The following AXDND1 variants were observed in gnomAD, a reference collection of about 807,000 sequenced individuals.
AXDND1 encodes axonemal dynein light chain domain containing 1.
In AXDND1, 110 loss-of-function variants were observed where a neutral mutation model predicts 137.5. That is an observed-to-expected ratio of 0.80 (90% CI 0.69 to 0.94). The LOEUF is 0.94. Among genes scored for constraint, AXDND1 ranks in the 40% least tolerant of loss-of-function variants. AXDND1 has a pLI of 0.00. For synonymous variants in AXDND1, 414 were observed against 399.7 expected (o/e 1.04, Z -0.43); for missense variants, 1,191 against 1,169.8 (o/e 1.02, Z -0.26).
At chr1:179,393,283 C>CT (rs1424722889) in intron 9 of AXDND1, among the ~76,000 whole-genome samples, 2 of 152,026 alleles carry the variant, frequency 1.3e-5, no homozygotes, top group East Asian at 3.9e-4. Context: ...CTGTAAGTAT[C>CT]TGAGTTTATT....
chr1:179,470,544 T>A, intron 17 of AXDND1, among the ~76,000 whole-genome samples: 1 of 152,298 alleles, frequency 6.6e-6, no homozygotes, highest in South Asian at 2.1e-4. Flanking sequence ...TTTTAAATGT[T>A]ATTGCAAATA....
intron 4 of AXDND1, among the ~76,000 whole-genome samples, chr1:179,373,591 A>G (rs1668263437): frequency 2.0e-5 from 3 of 152,214 alleles, no homozygotes; most frequent in South Asian, 2.1e-4. Context: ...ACAAGGCTAC[A>G]GTAACCAAAA....
intron 11 of AXDND1, among the ~76,000 whole-genome samples, chr1:179,409,442 T>C (rs578038291): frequency 3.4e-4 from 52 of 152,338 alleles, no homozygotes; most frequent in African/African-American, 1.2e-3. Flanking sequence ...TTGGATGCCC[T>C]TTATTTCTTT....
At chr1:179,479,475 C>CAAAAAA (rs55719902) in intron 17 of AXDND1, among the ~76,000 whole-genome samples, 11 of 133,618 alleles carry the variant, frequency 8.2e-5, no homozygotes, top group African/African-American at 3.2e-4. Flanking sequence ...AACTCTGTCT[C>CAAAAAA]AAAAAAAAAA....
At chr1:179,429,659 C>A in intron 13 of AXDND1, 40 bp downstream of exon 13, 3 of 1,279,432 alleles carry the variant, frequency 2.3e-6, no homozygotes, top group Non-Finnish European at 3.2e-6. Flanking sequence ...AAAAAAGATG[C>A]CAAGTGGTGA....
intron 25 of AXDND1, among the ~76,000 whole-genome samples, chr1:179,539,999 G>A (rs1250896713): frequency 2.0e-5 from 3 of 151,700 alleles, no homozygotes; most frequent in Admixed American, 6.6e-5. Flanking sequence ...TGAAGATTGT[G>A]TATGCGTCAC....
At chr1:179,483,041 C>G in intron 17 of AXDND1, 87 bp from the exon 18 acceptor site, 1 of 855,896 alleles carries the variant, frequency 1.2e-6, no homozygotes, top group Non-Finnish European at 1.8e-6. Flanking sequence ...CAATACCCAG[C>G]CAAATAAAAC....
intron 2 of AXDND1, 23 bp downstream of exon 2, chr1:179,366,629 T>A: frequency 6.4e-7 from 1 of 1,557,518 alleles, no homozygotes; most frequent in Non-Finnish European, 8.9e-7. Context: ...GATTCTGAAG[T>A]CATAAACAGT....
chr1:179,425,123 G>T (rs1246753305), intron 12 of AXDND1, among the ~76,000 whole-genome samples: 1 of 152,154 alleles, frequency 6.6e-6, no homozygotes, highest in Non-Finnish European at 1.5e-5. Context: ...TTGCATTGAA[G>T]GTTTAGTTAT....
rs185134699 is a variant in AXDND1 at position 179,512,858 on chromosome 1, C to T, written c.2496+3455C>T. 1.8e-3 allele frequency among the ~76,000 whole-genome samples: 275 copies of T among 152,066 alleles called. 1 individual carries two copies. Among genetic ancestry groups the T allele is most frequent in the African/African-American group, 6.2e-3 (259 of 41,514 alleles). ...GGGTTGAGTTCTTGATTTGACTCTC[C>T]GCTTGGTAGCTGTTGGTGTAGAGAA... On this transcript the variant is annotated intron_variant, in intron 21 of 25. Coordinates refer to ENST00000367618, the MANE Select transcript of AXDND1 (RefSeq NM_144696.6).
intron 14 of AXDND1, 108 bp downstream of exon 14, chr1:179,430,714 G>A (rs1657240896): frequency 8.0e-7 from 1 of 1,247,732 alleles, no homozygotes; most frequent in Non-Finnish European, 1.1e-6. Context: ...CTCTAACATT[G>A]ATTTTGGGGA....
chr1:179,410,996 A>AAT, intron 11 of AXDND1, 150 bp from the exon 12 acceptor site: 1 of 558,254 alleles, frequency 1.8e-6, no homozygotes, highest in Non-Finnish European at 3.0e-6. Context: ...ATGTGTTATC[A>AAT]ATATATTCAG....
intron 12 of AXDND1, among the ~76,000 whole-genome samples, chr1:179,414,574 C>T (rs546559499): frequency 1.9e-4 from 29 of 152,164 alleles, no homozygotes; most frequent in South Asian, 6.2e-4. Context: ...TACAGGCGCC[C>T]GCCACCTCGC....
Position 179,444,124 on chromosome 1 carries a change from C to G in AXDND1, c.1564-846C>G, listed in dbSNP as rs12075251. On this transcript the variant is annotated intron_variant, in intron 15 of 25. Coordinates refer to ENST00000367618, the MANE Select transcript of AXDND1 (RefSeq NM_144696.6). ...TAGAAAAAATAGAAAAAAGTCATAC[C>G]TCTTCAATTTAGGAATAGTAATAGC... 7.2e-3 allele frequency among the ~76,000 whole-genome samples: 1,093 copies of G among 150,980 alleles called. 14 individuals are homozygous for G. The highest frequency in any genetic ancestry group is 0.025 in the African/African-American group (1,020 of 41,100).
chr1:179,478,618 G>T (rs1014477824), intron 17 of AXDND1, among the ~76,000 whole-genome samples: 5 of 152,198 alleles, frequency 3.3e-5, no homozygotes, highest in African/African-American at 1.2e-4. Flanking sequence ...AGGAGAGGCT[G>T]CCCCAAACGT....
chr1:179,462,813 C>G (rs906952034), intron 16 of AXDND1, among the ~76,000 whole-genome samples: 3 of 152,084 alleles, frequency 2.0e-5, no homozygotes, highest in African/African-American at 7.2e-5. Flanking sequence ...CATTATTGGT[C>G]TAGTCAGGGA....
chr1:179,382,802 A>T, intron 7 of AXDND1, 46 bp downstream of exon 7: 3 of 1,394,222 alleles, frequency 2.2e-6, no homozygotes, highest in Non-Finnish European at 3.0e-6. Flanking sequence ...AAGAATACCT[A>T]TATACATACA....
At chr1:179,416,641 T>C (rs1270691957) in intron 12 of AXDND1, among the ~76,000 whole-genome samples, 1 of 152,214 alleles carries the variant, frequency 6.6e-6, no homozygotes, top group Non-Finnish European at 1.5e-5. Flanking sequence ...TCTATTTACT[T>C]TTCTCAGTGT....
At chr1:179,536,540 C>T (rs946064647) in intron 25 of AXDND1, among the ~76,000 whole-genome samples, 12 of 152,230 alleles carry the variant, frequency 7.9e-5, no homozygotes, top group Non-Finnish European at 1.5e-5. Context: ...GGTGTTATTT[C>T]GGAGGCCTCT....
Sources: gnomAD v4.1 joint callset for allele counts (sites outside exome capture counted in the v4.1 genomes callset) on GRCh38, gnomAD v4.1.1 for gene constraint, MANE v1.5 for transcripts, NCBI Gene and HGNC (gene_info 2026-07-23, HGNC 2026-07-21) for gene names.